The following PDILT variants were observed in gnomAD, a reference collection of about 807,000 sequenced individuals.
PDILT encodes the protein protein disulfide-isomerase-like protein of the testis.
In PDILT, 43 loss-of-function variants were observed where a neutral mutation model predicts 53.7. That is an observed-to-expected ratio of 0.80 (90% CI 0.63 to 1.03). PDILT has a LOEUF of 1.03. PDILT is among the 50% of genes least tolerant of loss of function. The pLI is 0.00. For synonymous variants in PDILT, 282 were observed against 274.2 expected (o/e 1.03, Z -0.28); for missense variants, 727 against 712.3 (o/e 1.02, Z -0.24).
intron 5 of PDILT, 36 bp downstream of exon 5, chr16:20,374,786 A>G: frequency 6.3e-7 from 1 of 1,589,356 alleles, no homozygotes. Context: ...ACTTTGAACC[A>G]GAGACCTCTC....
In PDILT at chr16:20,372,721, G is replaced by A. The variant is rs1233991969; in HGVS notation, c.918+81C>T. On this transcript the variant is annotated intron_variant, in intron 7 of 11. Coordinates refer to ENST00000302451, the MANE Select transcript of PDILT (RefSeq NM_174924.2). ...TTCCTGATTCAATTTATAATAAGCA[G>A]GGCAGGCAAATGGGCTCAGGGTCTG... The A allele has an allele frequency of 1.2e-5, 18 of 1,496,040 alleles. No homozygotes were observed. In the East Asian group the frequency reaches 4.1e-4, roughly 34 times the overall value. The allele number at this position is 1,496,040 out of a possible 1,614,324, so 92.7% of individuals were successfully genotyped here. A position where few individuals can be genotyped will look rare whatever the true frequency, so the allele number is the denominator to read the frequency against.
In PDILT at chr16:20,384,586, T is replaced by G. The variant is rs9926996; in HGVS notation, c.409+59A>C. On this transcript the variant is annotated intron_variant, in intron 3 of 11. Transcript: ENST00000302451. ...AGCAGAGCCTCCCACCTTTACCCTA[T>G]AGCTGTTAAGTGGACTTTCCATGAG... 5.6e-6 allele frequency: 9 copies of G among 1,598,658 alleles called. No homozygotes were observed. In the Admixed American group the frequency reaches 1.5e-4, roughly 27 times the overall value.
chr16:20,362,358 T>C (rs1305480617), intron 10 of PDILT, 46 bp downstream of exon 10: 1 of 1,596,338 alleles, frequency 6.3e-7, no homozygotes, highest in Non-Finnish European at 8.5e-7. Flanking sequence ...TCCCTGATAA[T>C]AACATAACAT....
intron 2 of PDILT, among the ~76,000 whole-genome samples, chr16:20,390,327 C>T (rs1435945457): frequency 5.3e-5 from 8 of 152,126 alleles, no homozygotes. Context: ...AACCCTATAT[C>T]TTTAGCCAAA....
intron 7 of PDILT, 30 bp from the exon 8 acceptor site, chr16:20,369,719 C>T: frequency 3.7e-6 from 6 of 1,611,078 alleles, no homozygotes; most frequent in Non-Finnish European, 5.1e-6. Flanking sequence ...CCTTGTCTCT[C>T]TGGATCCTTT....
In PDILT at chr16:20,381,077, C is replaced by T. The variant is rs185284352; in HGVS notation, c.409+3568G>A. Among the ~76,000 whole-genome samples, 17 of 152,332 alleles carry T rather than the reference C, an allele frequency of 1.1e-4. No homozygotes were observed. In the South Asian group the frequency reaches 3.1e-3, roughly 28 times the overall value. Reference sequence around the variant, plus strand: ...GCATATTTCCAGGCACAGACTGTGGCTGCATCATTAATAGAGGCCTAGAGG... The same window carrying T: ...GCATATTTCCAGGCACAGACTGTGGTTGCATCATTAATAGAGGCCTAGAGG... On this transcript the variant is annotated intron_variant, in intron 3 of 11. Transcript: ENST00000302451.
chr16:20,400,878 T>C (rs1966731988), intron 1 of PDILT, among the ~76,000 whole-genome samples: 1 of 152,138 alleles, frequency 6.6e-6, no homozygotes, highest in African/African-American at 2.4e-5. Context: ...AAATGCACAA[T>C]AATGTCATCA....
intron 7 of PDILT, among the ~76,000 whole-genome samples, chr16:20,371,154 T>A (rs924398865): frequency 1.3e-5 from 2 of 151,940 alleles, no homozygotes; most frequent in African/African-American, 4.8e-5. Context: ...TTCAGCACCA[T>A]GAGGGAGAGA....
chr16:20,382,978 G>C (rs1180329249), intron 3 of PDILT, among the ~76,000 whole-genome samples: 1 of 152,186 alleles, frequency 6.6e-6, no homozygotes, highest in Non-Finnish European at 1.5e-5. Context: ...CCTTGATGGG[G>C]AAAACACAGA....
chr16:20,387,974 C>G (rs1373075393), intron 2 of PDILT, among the ~76,000 whole-genome samples: 1 of 151,976 alleles, frequency 6.6e-6, no homozygotes, highest in Non-Finnish European at 1.5e-5. Flanking sequence ...GTAATCCAGG[C>G]AAGAGATGGT....
intron 8 of PDILT, among the ~76,000 whole-genome samples, chr16:20,367,088 T>TTTC (rs1966222552): frequency 9.0e-6 from 1 of 110,752 alleles, no homozygotes; most frequent in East Asian, 2.2e-4. Flanking sequence ...TCTTTCTTTC[T>TTTC]TTCTTTCTTT....
At chr16:20,360,701 G>A (rs777397032) in intron 10 of PDILT, 44 bp from the exon 11 acceptor site, 37 of 1,411,058 alleles carry the variant, frequency 2.6e-5, no homozygotes, top group East Asian at 6.8e-5. Context: ...TCCTCTTCCC[G>A]CAGAGATGCT....
Position 20,384,528 on chromosome 16 carries a change from T to G in PDILT, c.409+117A>C, listed in dbSNP as rs532916162. 3.7e-5 allele frequency: 46 copies of G among 1,242,708 alleles called. 1 individual carries two copies. In the South Asian group the frequency reaches 5.9e-4, roughly 16 times the overall value. 77.0% of individuals were successfully genotyped at this position (1,242,708 alleles called of 1,614,324 possible). ...CCTAGAGAAGGGCAGAGTCACAAGC[T>G]GGAGGATCCTGGGTCCCCGAGAAGC... On this transcript the variant is annotated intron_variant, in intron 3 of 11. Coordinates refer to ENST00000302451, the MANE Select transcript of PDILT (RefSeq NM_174924.2).
chr16:20,362,648 C>T, intron 9 of PDILT, 66 bp from the exon 10 acceptor site: 1 of 1,512,098 alleles, frequency 6.6e-7, no homozygotes, highest in Non-Finnish European at 9.1e-7. Flanking sequence ...CGCCACCCTA[C>T]ACATGGCATC....
Sources: gnomAD v4.1 joint callset for allele counts (sites outside exome capture counted in the v4.1 genomes callset) on GRCh38, gnomAD v4.1.1 for gene constraint, MANE v1.5 for transcripts, NCBI Gene and HGNC (gene_info 2026-07-23, HGNC 2026-07-21) for gene names.